HIBADH: variants seen among roughly 807,000 people sequenced by gnomAD.
HIBADH encodes the protein 3-hydroxyisobutyrate dehydrogenase, also known as 3-hydroxyisobutyrate dehydrogenase, mitochondrial.
Under a neutral mutation model 36.1 loss-of-function variants are expected in HIBADH, and 25 were observed. That is an observed-to-expected ratio of 0.69 (90% CI 0.50 to 0.97). The LOEUF is 0.97. Ranked by LOEUF, HIBADH falls within the 50% of genes least tolerant of loss-of-function variation. HIBADH has a pLI of 0.00. For missense variants in HIBADH, 421 were observed against 418.0 expected, an observed-to-expected ratio of 1.01 and a Z score of -0.06; for synonymous variants, 160 against 149.5, an observed-to-expected ratio of 1.07 and a Z score of -0.51.
At chr7:27,633,311 C>A (rs901918875) in intron 2 of HIBADH, among the ~76,000 whole-genome samples, 7 of 152,130 alleles carry the variant, frequency 4.6e-5, no homozygotes, top group African/African-American at 1.4e-4. Flanking sequence ...AACTGGCAAC[C>A]AAAGAGGTCA....
intron 4 of HIBADH, among the ~76,000 whole-genome samples, chr7:27,610,170 C>A: frequency 6.6e-6 from 1 of 151,972 alleles, no homozygotes; most frequent in Middle Eastern, 3.4e-3. Context: ...AAGACAGGAA[C>A]CCATGGAGAT....
At chr7:27,579,627 T>C (rs1784761477) in intron 4 of HIBADH, among the ~76,000 whole-genome samples, 1 of 152,226 alleles carries the variant, frequency 6.6e-6, no homozygotes, top group Non-Finnish European at 1.5e-5. Context: ...AGTTACTCTG[T>C]ATCTCCACTT....
chr7:27,558,048 T>G lies in HIBADH; in HGVS notation c.485-14948A>C, dbSNP rs991771504. Among the ~76,000 whole-genome samples the G allele has an allele frequency of 2.6e-5, 4 of 152,156 alleles. No individual in the cohort carries two copies. In the East Asian group the frequency reaches 7.7e-4, roughly 29 times the overall value. ...TCACCTATTTCTTCTGGACTTTCCA[T>G]TTTTCTGCCCACAAACTTATAATTC... On this transcript the variant is annotated intron_variant, in intron 4 of 7. Transcript: ENST00000265395.
chr7:27,642,886 C>T (rs1370374730), intron 2 of HIBADH, among the ~76,000 whole-genome samples: 32 of 152,038 alleles, frequency 2.1e-4, no homozygotes, highest in Admixed American at 2.0e-3. Context: ...CTCCTGACCT[C>T]GTGATCCGCC....
At chr7:27,542,727 C>A (rs1403169742) in intron 5 of HIBADH, among the ~76,000 whole-genome samples, 1 of 152,034 alleles carries the variant, frequency 6.6e-6, no homozygotes, top group African/African-American at 2.4e-5. Context: ...GTTGGGATTA[C>A]AGGCATGAGC....
At chr7:27,570,001 A>G (rs1050603437) in intron 4 of HIBADH, among the ~76,000 whole-genome samples, 5 of 152,142 alleles carry the variant, frequency 3.3e-5, no homozygotes, top group African/African-American at 1.2e-4. Context: ...TGGATCAGAA[A>G]TTTCCCTTGG....
At chr7:27,624,318 A>G (rs1248953929) in intron 4 of HIBADH, among the ~76,000 whole-genome samples, 1 of 152,242 alleles carries the variant, frequency 6.6e-6, no homozygotes, top group Non-Finnish European at 1.5e-5. Context: ...TTCCAAGGCT[A>G]TAGTAATGTT....
rs1354830657 is a variant in HIBADH, at chr7:27,525,674, T to C, written c.*540A>G. 3.3e-5 allele frequency: 5 copies of C among 152,178 alleles called. No individual in the cohort carries two copies. The highest frequency in any genetic ancestry group is 9.7e-5 in the African/African-American group (4 of 41,440). 9.4% of individuals were successfully genotyped at this position (152,178 alleles called of 1,614,324 possible). On this transcript the variant is annotated 3_prime_UTR_variant, in exon 8 of 8. Transcript: ENST00000265395. ...CTACCATATTGTGACGGAGTCCAAA[T>C]AGAAAACATGCAGCAACAGTTCTCC...
intron 1 of HIBADH, among the ~76,000 whole-genome samples, chr7:27,656,964 C>T (rs192534869): frequency 2.0e-5 from 3 of 152,222 alleles, no homozygotes; most frequent in East Asian, 1.9e-4. Flanking sequence ...TATTCTTTCC[C>T]GTAGATCCGA....
At chr7:27,531,122 AAG>A in intron 7 of HIBADH, 68 bp downstream of exon 7, 2 of 1,414,540 alleles carry the variant, frequency 1.4e-6, no homozygotes, top group Non-Finnish European at 1.9e-6. Context: ...TATTAAGAGA[AAG>A]AGAAGGAAGG....
chr7:27,636,355 A>T (rs1785841219), intron 2 of HIBADH, among the ~76,000 whole-genome samples: 1 of 152,262 alleles, frequency 6.6e-6, no homozygotes, highest in Admixed American at 6.5e-5. Context: ...AGTACTCTTT[A>T]AAAGTACTTT....
At chr7:27,583,797 T>A (rs910258890) in intron 4 of HIBADH, among the ~76,000 whole-genome samples, 2 of 152,010 alleles carry the variant, frequency 1.3e-5, no homozygotes, top group African/African-American at 4.8e-5. Context: ...GTGGATTATA[T>A]CTATTGGTAT....
Position 27,538,384 on chromosome 7 carries a change from T to C in HIBADH, c.652A>G (p.Ile218Val), listed in dbSNP as rs763041941. 1.2e-6 allele frequency: 2 copies of C among 1,613,078 alleles called. No individual in the cohort carries two copies. Among genetic ancestry groups the C allele is most frequent in the Admixed American group, 1.7e-5 (1 of 59,910 alleles). Residue 218 changes from isoleucine to valine, a missense_variant, in exon 6 of 8, where the codon ATT (isoleucine) becomes GTT (valine). Coordinates refer to ENST00000265395, the MANE Select transcript of HIBADH (RefSeq NM_152740.4). ...GCTTCAGCAGTTCCAATCATACTAA[T>C]AGCTAACAGCATGTTGTTGCAGATC... ...AKICNNMLLA[I>V]SMIGTAEAMN... is the part of the protein sequence containing the mutation.
chr7:27,661,969 G>A (rs1382231934), intron 1 of HIBADH, among the ~76,000 whole-genome samples: 1 of 152,106 alleles, frequency 6.6e-6, no homozygotes, highest in African/African-American at 2.4e-5. Flanking sequence ...CTTCATCCTG[G>A]CTCTAAAAAC....
chr7:27,581,315 C>T (rs747791003), intron 4 of HIBADH, among the ~76,000 whole-genome samples: 13 of 151,874 alleles, frequency 8.6e-5, no homozygotes, highest in Non-Finnish European at 1.6e-4. Flanking sequence ...GAAGGAAGAA[C>T]GAGGAAGCTG....
intron 4 of HIBADH, among the ~76,000 whole-genome samples, chr7:27,553,191 G>A (rs1021192283): frequency 3.3e-5 from 5 of 152,148 alleles, no homozygotes; most frequent in Admixed American, 3.3e-4. Flanking sequence ...AGCTAATAAT[G>A]TCCTAAGTTA....
chr7:27,567,340 T>A (rs1784560325), intron 4 of HIBADH, among the ~76,000 whole-genome samples: 1 of 152,202 alleles, frequency 6.6e-6, no homozygotes, highest in African/African-American at 2.4e-5. Context: ...TTACATGGTA[T>A]ATCTTTTTCT....
intron 4 of HIBADH, among the ~76,000 whole-genome samples, chr7:27,558,662 T>G (rs569275692): frequency 1.3e-5 from 2 of 152,158 alleles, no homozygotes; most frequent in South Asian, 2.1e-4. Flanking sequence ...ACTCCAGCAC[T>G]CCAGCCTGGA....
chr7:27,656,211 T>C (rs1333141928), intron 1 of HIBADH, among the ~76,000 whole-genome samples: 1 of 152,160 alleles, frequency 6.6e-6, no homozygotes, highest in Non-Finnish European at 1.5e-5. Context: ...CCAATACAAT[T>C]TTATTTACAA....
Sources: allele counts gnomAD v4.1 joint callset (sites outside exome capture counted in the v4.1 genomes callset), GRCh38; gene constraint gnomAD v4.1.1; transcripts MANE v1.5; gene names NCBI Gene and HGNC (gene_info 2026-07-23, HGNC 2026-07-21).